FAM149B1: variants seen among roughly 807,000 people sequenced by gnomAD.
The protein encoded by FAM149B1 is family with sequence similarity 149 member B1.
Under a neutral mutation model 75.3 loss-of-function variants are expected in FAM149B1, and 56 were observed. The observed-to-expected ratio is 0.74, with a 90% confidence interval of 0.60 to 0.93. The LOEUF is 0.93. FAM149B1 is among the 40% of genes least tolerant of loss of function. The probability of loss-of-function intolerance (pLI) is 0.00; values close to 1 mark genes in which losing one functional copy is unlikely to be tolerated. For missense variants in FAM149B1, 639 were observed against 708.4 expected (o/e 0.90, Z 1.11); for synonymous variants, 259 against 256.1 (o/e 1.01, Z -0.11).
chr10:73,175,580 G>A lies in FAM149B1; in HGVS notation c.152+789G>A, dbSNP rs192487767. 1.9e-3 allele frequency among the ~76,000 whole-genome samples: 280 copies of A among 148,800 alleles called. 3 individuals are homozygous for A. Among genetic ancestry groups the A allele is most frequent in the African/African-American group, 6.5e-3 (263 of 40,314 alleles). Reference sequence around the variant, plus strand: ...AGCTACTCAGGAGGCTGAGGCAGGAGAATGGCATGAACCCGGGAGGCGGAG... The same window carrying A: ...AGCTACTCAGGAGGCTGAGGCAGGAAAATGGCATGAACCCGGGAGGCGGAG... On this transcript the variant is annotated intron_variant, in intron 2 of 13. Coordinates refer to ENST00000242505, the MANE Select transcript of FAM149B1 (RefSeq NM_173348.2).
chr10:73,216,331 A>AT (rs943325448), intron 7 of FAM149B1, among the ~76,000 whole-genome samples: 4 of 151,344 alleles, frequency 2.6e-5, no homozygotes, highest in African/African-American at 4.9e-5. Context: ...TAGTTGGATT[A>AT]TTTTTTTTCA....
At chr10:73,221,030 C>A (rs1324992429) in intron 7 of FAM149B1, among the ~76,000 whole-genome samples, 1 of 152,136 alleles carries the variant, frequency 6.6e-6, no homozygotes, top group Non-Finnish European at 1.5e-5. Flanking sequence ...TCACAAAGCA[C>A]CATGTATATG....
At chr10:73,221,963 A>G (rs907148179) in intron 7 of FAM149B1, among the ~76,000 whole-genome samples, 3 of 152,134 alleles carry the variant, frequency 2.0e-5, no homozygotes, top group Non-Finnish European at 4.4e-5. Context: ...TTTCATCTCA[A>G]AGTATGATTT....
chr10:73,187,707 C>A (rs2042564454), intron 3 of FAM149B1, among the ~76,000 whole-genome samples: 1 of 150,342 alleles, frequency 6.7e-6, no homozygotes, highest in African/African-American at 2.4e-5. Flanking sequence ...CCAGCCTGGG[C>A]AACAAGAGTG....
chr10:73,217,474 G>A (rs74423725), intron 7 of FAM149B1, among the ~76,000 whole-genome samples: 6,502 of 152,278 alleles, frequency 0.043, 430 homozygotes, highest in African/African-American at 0.14. Flanking sequence ...CTAGTTCTCT[G>A]TTTAGGGTTT....
rs935820453 is a variant in FAM149B1 at position 73,193,567 on chromosome 10, C to G, written c.516C>G (p.Thr172=). The change falls in exon 5 of 14, where the codon ACC becomes ACG. Residue 172 remains threonine (T), a synonymous_variant. Transcript: ENST00000242505. ...CTGTTTCCGCTTCATATGAAACAAC[C>G]TTGTCTCAAGAAAGAGATTCTACTA... The part of the protein sequence containing the change: ...PSAVSASYET[T]LSQERDSTIF... 6.4e-7 allele frequency: 1 copy of G among 1,550,750 alleles called. No homozygotes were observed. The highest frequency in any genetic ancestry group is 1.2e-5 in the South Asian group (1 of 84,036).
At chr10:73,178,456 G>A (rs567786622) in intron 3 of FAM149B1, among the ~76,000 whole-genome samples, 4 of 151,018 alleles carry the variant, frequency 2.6e-5, no homozygotes, top group Middle Eastern at 3.4e-3. Context: ...ACGCCATTGC[G>A]CTCTAGTCTG....
In FAM149B1 at chr10:73,243,657, A is replaced by C; in HGVS notation, c.*2638A>C. 8.2e-7 allele frequency: 1 copy of C among 1,220,908 alleles called. No homozygotes were observed. Among genetic ancestry groups the C allele is most frequent in the Non-Finnish European group, 1.1e-6 (1 of 869,586 alleles). 75.6% of individuals were successfully genotyped at this position (1,220,908 alleles called of 1,614,324 possible). ...TTTGGAATGGTGAAAATGTCCTACA[A>C]TTGGTGTTAATAATTGTAAAACTTT... On this transcript the variant is annotated 3_prime_UTR_variant, in exon 14 of 14. Transcript: ENST00000242505.
At chr10:73,217,256 T>C (rs1432568009) in intron 7 of FAM149B1, among the ~76,000 whole-genome samples, 1 of 152,238 alleles carries the variant, frequency 6.6e-6, no homozygotes, top group Non-Finnish European at 1.5e-5. Flanking sequence ...TTATGAGCAC[T>C]ATTGTACAAG....
chr10:73,174,117 G>A (rs1325208893), intron 1 of FAM149B1, among the ~76,000 whole-genome samples: 3 of 152,170 alleles, frequency 2.0e-5, no homozygotes, highest in Non-Finnish European at 2.9e-5. Flanking sequence ...TAAAGCTGCT[G>A]TGAACATTTG....
intron 12 of FAM149B1, among the ~76,000 whole-genome samples, chr10:73,235,867 T>C (rs1482552917): frequency 6.6e-6 from 1 of 152,188 alleles, no homozygotes; most frequent in African/African-American, 2.4e-5. Context: ...TTTTAAATGC[T>C]GACACTGCCT....
chr10:73,206,035 G>A (rs1051737908), intron 5 of FAM149B1, among the ~76,000 whole-genome samples: 1 of 152,224 alleles, frequency 6.6e-6, no homozygotes, highest in African/African-American at 2.4e-5. Context: ...ATTTCTTAGA[G>A]ACCAGTTAAA....
At chr10:73,235,849 T>G (rs960078036) in intron 12 of FAM149B1, among the ~76,000 whole-genome samples, 1 of 152,142 alleles carries the variant, frequency 6.6e-6, no homozygotes, top group African/African-American at 2.4e-5. Context: ...TTTTTCTTTC[T>G]ACTGGTGTTT....
chr10:73,187,950 G>A (rs536468529), intron 3 of FAM149B1, among the ~76,000 whole-genome samples: 7 of 152,078 alleles, frequency 4.6e-5, no homozygotes, highest in African/African-American at 1.7e-4. Flanking sequence ...GGGCACGGTG[G>A]TGCAGGCCTG....
chr10:73,215,955 C>A (rs1444897440), intron 7 of FAM149B1, among the ~76,000 whole-genome samples: 1 of 152,108 alleles, frequency 6.6e-6, no homozygotes, highest in Non-Finnish European at 1.5e-5. Context: ...TCCAATATTT[C>A]TTTGTTTTCT....
intron 5 of FAM149B1, among the ~76,000 whole-genome samples, chr10:73,201,611 C>T (rs959214191): frequency 2.0e-5 from 3 of 152,100 alleles, no homozygotes; most frequent in South Asian, 2.1e-4. Flanking sequence ...CATACCTGCC[C>T]TTATTGTGTT....
intron 5 of FAM149B1, among the ~76,000 whole-genome samples, chr10:73,203,724 C>G (rs1321132587): frequency 6.6e-6 from 1 of 151,862 alleles, no homozygotes; most frequent in East Asian, 1.9e-4. Flanking sequence ...ACTGCAACTT[C>G]TGCCTCCAGG....
chr10:73,175,896 A>G (rs540078613), intron 2 of FAM149B1, among the ~76,000 whole-genome samples: 2 of 152,114 alleles, frequency 1.3e-5, no homozygotes, highest in South Asian at 4.2e-4. Context: ...GCAGTCCCCA[A>G]CCTTTTTGGC....
intron 10 of FAM149B1, among the ~76,000 whole-genome samples, chr10:73,233,897 C>G (rs1030043552): frequency 6.6e-6 from 1 of 152,132 alleles, no homozygotes; most frequent in Non-Finnish European, 1.5e-5. Context: ...ACAATGAAAA[C>G]TTCATAAACC....
Sources: gnomAD v4.1 joint callset for allele counts (sites outside exome capture counted in the v4.1 genomes callset) on GRCh38, gnomAD v4.1.1 for gene constraint, MANE v1.5 for transcripts, NCBI Gene and HGNC (gene_info 2026-07-23, HGNC 2026-07-21) for gene names.